PRKN: variants seen among roughly 807,000 people sequenced by gnomAD.
PRKN encodes parkin RBR E3 ubiquitin protein ligase.
Under a neutral mutation model 59.5 loss-of-function variants are expected in PRKN, and 56 were observed. The observed-to-expected ratio is 0.94, with a 90% CI of 0.76 to 1.18. The LOEUF (loss-of-function observed/expected upper bound fraction) is 1.18. Ranked by LOEUF, PRKN falls within the 50% of genes most tolerant of loss-of-function variation. PRKN has a pLI of 0.00. For synonymous variants in PRKN, 250 were observed against 222.1 expected (o/e 1.13, Z -1.12); for missense variants, 657 against 596.4 (o/e 1.10, Z -1.06).
At position 161,462,413 on chromosome 6, in the gene PRKN, T is replaced by C. The variant is rs909516891; in HGVS notation, c.1084-75536A>G. On this transcript the variant is annotated intron_variant, in intron 9 of 11. Coordinates refer to ENST00000366898, the MANE Select transcript of PRKN (RefSeq NM_004562.3). The surrounding 1 kb of genome is among the most constrained non-coding windows in gnomAD (Gnocchi z 4.5). ...CTGATTTGGTATTCAGTTAATACTG[T>C]AGAACGTGCTCTTCCATTACCTTGA... Among the ~76,000 whole-genome samples the C allele has an allele frequency of 4.6e-5, 7 of 152,170 alleles. No homozygotes were observed. In the South Asian group the frequency reaches 6.2e-4, roughly 13 times the overall value.
In PRKN at chr6:161,874,156, TTA is replaced by T. The variant is rs1239184289; in HGVS notation, c.735-88250_735-88249del. 3.0e-3 allele frequency among the ~76,000 whole-genome samples: 56 copies of T among 18,626 alleles called. 2 individuals carry two copies. The highest frequency in any genetic ancestry group is 0.012 in the African/African-American group (53 of 4,242). 12.2% of individuals were successfully genotyped at this position (18,626 alleles called of 152,430 possible). A position where few individuals can be genotyped will look rare whatever the true frequency, so the allele number is the denominator to read the frequency against. On this transcript the variant is annotated intron_variant, in intron 6 of 11. Coordinates refer to ENST00000366898, the MANE Select transcript of PRKN (RefSeq NM_004562.3). ...TATTATATGTAAAATATAATATATA[TTA>T]TATATAATATATAATATATATTATA...
chr6:161,989,660 C>T (rs1053913939), intron 5 of PRKN, among the ~76,000 whole-genome samples: 9 of 152,176 alleles, frequency 5.9e-5, no homozygotes, highest in African/African-American at 1.9e-4. Flanking sequence ...GACTGCCCCA[C>T]CTGATGCTAC....
At chr6:162,682,662 C>G (rs892694077) in intron 1 of PRKN, among the ~76,000 whole-genome samples, 10 of 152,098 alleles carry the variant, frequency 6.6e-5, no homozygotes, top group Non-Finnish European at 1.5e-4. Flanking sequence ...ACTATGTCCA[C>G]TACCTGGGTC....
intron 1 of PRKN, among the ~76,000 whole-genome samples, chr6:162,454,681 A>C (rs780137226): frequency 6.6e-6 from 1 of 152,212 alleles, no homozygotes; most frequent in Non-Finnish European, 1.5e-5. Context: ...CCGTTCCTTC[A>C]AACAGATATG....
chr6:162,611,973 C>G (rs1782181780), intron 1 of PRKN, among the ~76,000 whole-genome samples: 2 of 151,274 alleles, frequency 1.3e-5, no homozygotes, highest in South Asian at 4.2e-4. Context: ...ATCATAAGGT[C>G]AGGAGATCGA....
chr6:162,563,552 A>T (rs1316709060), intron 1 of PRKN, among the ~76,000 whole-genome samples: 1 of 152,180 alleles, frequency 6.6e-6, no homozygotes, highest in East Asian at 1.9e-4. Flanking sequence ...GATGGCTACA[A>T]ATAAGCCCAG....
intron 10 of PRKN, among the ~76,000 whole-genome samples, chr6:161,364,321 C>T (rs1250586110): frequency 3.5e-4 from 50 of 144,182 alleles, no homozygotes; most frequent in Middle Eastern, 7.5e-3. Flanking sequence ...TAGCTGGGCG[C>T]GGTGGTGGGT....
At position 162,174,183 on chromosome 6, in the gene PRKN, T is replaced by A. The variant is rs957991445; in HGVS notation, c.534+26948A>T. 1.3e-5 allele frequency among the ~76,000 whole-genome samples: 2 copies of A among 152,196 alleles called. 1 individual carries two copies. The highest frequency in any genetic ancestry group is 3.8e-4 in the East Asian group (2 of 5,204). On this transcript the variant is annotated intron_variant, in intron 4 of 11. Transcript: ENST00000366898. ...GAAGTTATACGATTTTAAAATACAC[T>A]TGAGAAAGGTGATGGGCTGTCCAAA...
chr6:162,225,373 G>A (rs1326749494), intron 3 of PRKN, among the ~76,000 whole-genome samples: 13 of 152,202 alleles, frequency 8.5e-5, no homozygotes, highest in African/African-American at 3.1e-4. Flanking sequence ...TCTGTGAGAA[G>A]AAACCATATT....
At position 161,371,171 on chromosome 6, in the gene PRKN, T is replaced by G. The variant is rs1391819799; in HGVS notation, c.1168-10966A>C. On this transcript the variant is annotated intron_variant, in intron 10 of 11. Coordinates refer to ENST00000366898, the MANE Select transcript of PRKN (RefSeq NM_004562.3). The surrounding 1 kb of genome is among the most constrained non-coding windows in gnomAD (Gnocchi z 5.5). The stretch of plus-strand genomic sequence containing the variant: ...GTATATATTTAAATGTATTTTGTTA[T>G]TTTTTTTTTTGAGACGTTGTTTCGC... Among the ~76,000 whole-genome samples the G allele has an allele frequency of 1.3e-5, 1 of 76,822 alleles. No homozygotes were observed. The highest frequency in any genetic ancestry group is 5.0e-5 in the African/African-American group (1 of 19,948). The allele number at this position is 76,822 out of a possible 152,430, so 50.4% of individuals were successfully genotyped here.
intron 6 of PRKN, among the ~76,000 whole-genome samples, chr6:161,948,323 T>C (rs925320428): frequency 6.6e-6 from 1 of 152,166 alleles, no homozygotes; most frequent in Admixed American, 6.5e-5. Context: ...ACCAACTATT[T>C]TAGGTCTTCC....
At chr6:161,758,640 T>C (rs753425244) in intron 7 of PRKN, among the ~76,000 whole-genome samples, 2 of 152,170 alleles carry the variant, frequency 1.3e-5, no homozygotes, top group Non-Finnish European at 2.9e-5. Flanking sequence ...ACATTTTAAA[T>C]ATGGGCCTCT....
At chr6:162,058,147 G>C (rs564130897) in intron 4 of PRKN, among the ~76,000 whole-genome samples, 5 of 152,114 alleles carry the variant, frequency 3.3e-5, no homozygotes, top group African/African-American at 4.8e-5. Flanking sequence ...TTGTGGACCA[G>C]CTCTTGCAAT....
In PRKN at chr6:161,475,585, C is replaced by CTTGA. The variant is rs2115213093; in HGVS notation, c.1083+73265_1083+73268dup. On this transcript the variant is annotated intron_variant, in intron 9 of 11. Coordinates refer to ENST00000366898, the MANE Select transcript of PRKN (RefSeq NM_004562.3). The surrounding 1 kb of genome is among the most constrained non-coding windows in gnomAD (Gnocchi z 5.3). ...GCGGTGCAATACAACTTGCCGCAGT[C>CTTGA]TTGACCTCCTGGGCTCAAGTGATCC... Among the ~76,000 whole-genome samples, 1 of 152,258 alleles carries CTTGA rather than the reference C, an allele frequency of 6.6e-6. No homozygotes were observed. The highest frequency in any genetic ancestry group is 1.9e-4 in the East Asian group (1 of 5,168).
chr6:161,636,497 C>T (rs1783525948), intron 7 of PRKN, among the ~76,000 whole-genome samples: 1 of 152,218 alleles, frequency 6.6e-6, no homozygotes, highest in Admixed American at 6.5e-5. Flanking sequence ...TGAGTGAAAG[C>T]AGGGAGCGTG....
intron 3 of PRKN, among the ~76,000 whole-genome samples, chr6:162,205,024 A>T (rs999002891): frequency 6.6e-6 from 1 of 151,726 alleles, no homozygotes; most frequent in Non-Finnish European, 1.5e-5. Flanking sequence ...CACCACACCC[A>T]GCTAATTTTG....
At chr6:161,932,141 A>T (rs962780487) in intron 6 of PRKN, among the ~76,000 whole-genome samples, 40 of 152,144 alleles carry the variant, frequency 2.6e-4, no homozygotes, top group Non-Finnish European at 4.3e-4. Flanking sequence ...GAAATATTTA[A>T]AAAAATCTCA....
chr6:162,140,543 CTG>C (rs1781733779), intron 4 of PRKN, among the ~76,000 whole-genome samples: 1 of 152,172 alleles, frequency 6.6e-6, no homozygotes, highest in Non-Finnish European at 1.5e-5. Flanking sequence ...CACCAGCTCT[CTG>C]CTTTTCCGGC....
At chr6:161,971,697 C>T (rs1444760633) in intron 6 of PRKN, among the ~76,000 whole-genome samples, 1 of 150,504 alleles carries the variant, frequency 6.6e-6, no homozygotes, top group African/African-American at 2.5e-5. Flanking sequence ...TTCTTGGAAA[C>T]AGGTTTGTTC....
Sources: gnomAD v4.1 joint callset for allele counts (sites outside exome capture counted in the v4.1 genomes callset) on GRCh38, gnomAD v4.1.1 for gene constraint, Gnocchi (gnomAD v3.1) non-coding constraint, MANE v1.5 for transcripts, NCBI Gene and HGNC (gene_info 2026-07-23, HGNC 2026-07-21) for gene names.